Variants in TP73 observed in about 807,000 individuals in gnomAD.
The protein encoded by TP73 is p53-like transcription factor.
Under a neutral mutation model 62.5 loss-of-function variants are expected in TP73, and 25 were observed. That is an observed-to-expected ratio of 0.40 (90% CI 0.29 to 0.56). The LOEUF (loss-of-function observed/expected upper bound fraction) is 0.56. TP73 is among the 20% of genes least tolerant of loss of function. The probability of loss-of-function intolerance (pLI) is 0.46; values close to 1 mark genes in which losing one functional copy is unlikely to be tolerated. For synonymous variants in TP73, 423 were observed against 377.5 expected (o/e 1.12, Z -1.40); for missense variants, 754 against 913.3 (o/e 0.83, Z 2.25).
chr1:3,723,348 C>T lies in TP73; in HGVS notation c.617-6C>T, dbSNP rs752490695. On this transcript the variant is annotated splice_region_variant and splice_polypyrimidine_tract_variant and intron_variant, in intron 5 of 13. Coordinates refer to ENST00000378295, the MANE Select transcript of TP73 (RefSeq NM_005427.4). ...ACCTCTCTGAAGTGTCGACCCCTCC[C>T]GGCAGGACAGTCTGCTCCAGCCAGC... 57 of 1,611,266 alleles carry T rather than the reference C, an allele frequency of 3.5e-5. No individual in the cohort carries two copies. Among genetic ancestry groups the T allele is most frequent in the East Asian group, 1.1e-4 (5 of 44,884 alleles).
intron 3 of TP73, chr1:3,690,699 G>C: frequency 7.0e-7 from 1 of 1,428,200 alleles, no homozygotes. Flanking sequence ...AGAACTAAGG[G>C]AGATGGGAAA....
chr1:3,683,120 G>T lies in TP73; in HGVS notation c.126G>T (p.Val42=). The change falls in exon 3 of 14, where the codon GTG becomes GTT. Residue 42 remains valine (V), a synonymous_variant. Coordinates refer to ENST00000378295, the MANE Select transcript of TP73 (RefSeq NM_005427.4). The part of the protein sequence containing the change: ...PQSSRGNNEV[V]GGTDSSMDVF... ...CAAGCCGGGGGAATAATGAGGTGGT[G>T]GGCGGAACGGATTCCAGCATGGACG... 6.2e-7 allele frequency: 1 copy of T among 1,612,772 alleles called. No homozygotes were observed. The highest frequency in any genetic ancestry group is 8.5e-7 in the Non-Finnish European group (1 of 1,179,146).
chr1:3,659,895 G>A (rs1405231656), intron 1 of TP73, among the ~76,000 whole-genome samples: 1 of 152,114 alleles, frequency 6.6e-6, no homozygotes, highest in Non-Finnish European at 1.5e-5. Flanking sequence ...GGCCAGGCTG[G>A]TCTTGAACTC....
intron 1 of TP73, among the ~76,000 whole-genome samples, chr1:3,667,181 A>C (rs777964134): frequency 6.6e-6 from 1 of 152,166 alleles, no homozygotes. Flanking sequence ...CTCCAGAACC[A>C]AGAGAAGACA....
At chr1:3,683,729 G>A (rs1645579398) in intron 3 of TP73, among the ~76,000 whole-genome samples, 1 of 152,210 alleles carries the variant, frequency 6.6e-6, no homozygotes, top group African/African-American at 2.4e-5. Context: ...CAGCAGTCCT[G>A]CCTCCCGTTG....
At chr1:3,664,408 G>T (rs1645066664) in intron 1 of TP73, among the ~76,000 whole-genome samples, 1 of 152,224 alleles carries the variant, frequency 6.6e-6, no homozygotes, top group Non-Finnish European at 1.5e-5. Flanking sequence ...GGCACCTGGG[G>T]AAGGCTGGGC....
At position 3,727,895 on chromosome 1, in the gene TP73, C is replaced by T. The variant is rs377044172; in HGVS notation, c.985+125C>T. ...CTGAACGGCCCCCCACGCCCAGACT[C>T]CTCCCTGACGGAGCCTGAGAGCAGC... is the stretch of plus-strand genomic sequence containing the variant. On this transcript the variant is annotated intron_variant, in intron 8 of 13. Transcript: ENST00000378295. The T allele has an allele frequency of 2.3e-4, 322 of 1,381,058 alleles. No homozygotes were observed. The African/African-American group carries it at 4.2e-3, about 18-fold the overall frequency. The allele number at this position is 1,381,058 out of a possible 1,614,324, so 85.6% of individuals were successfully genotyped here.
Position 3,682,350 on chromosome 1 carries a change from G to C in TP73, c.-16G>C, listed in dbSNP as rs1006588265. ...TCCTGCAGAGCGAGCTGCCCTCGGA[G>C]GCCGGCGTGGGGAAGATGGCCCAGT... On this transcript the variant is annotated 5_prime_UTR_variant, in exon 2 of 14. Transcript: ENST00000378295. 7 of 1,523,770 alleles carry C rather than the reference G, an allele frequency of 4.6e-6. No individual in the cohort carries two copies. The African/African-American group carries it at 9.6e-5, about 21-fold the overall frequency. 94.4% of individuals were successfully genotyped at this position (1,523,770 alleles called of 1,614,324 possible). A position where few individuals can be genotyped will look rare whatever the true frequency, so the allele number is the denominator to read the frequency against.
At chr1:3,706,701 C>T (rs1164153022) in intron 3 of TP73, among the ~76,000 whole-genome samples, 2 of 152,238 alleles carry the variant, frequency 1.3e-5, no homozygotes, top group African/African-American at 2.4e-5. Context: ...CACCCCCTCC[C>T]TCAGCTGGGG....
intron 11 of TP73, among the ~76,000 whole-genome samples, chr1:3,730,665 T>A (rs186430222): frequency 1.3e-5 from 2 of 152,230 alleles, no homozygotes; most frequent in Non-Finnish European, 2.9e-5. Context: ...TGGCCAGCAC[T>A]CCAGTGCCAG....
At chr1:3,705,383 C>A (rs1005433598) in intron 3 of TP73, among the ~76,000 whole-genome samples, 5 of 152,254 alleles carry the variant, frequency 3.3e-5, no homozygotes, top group Admixed American at 6.5e-5. Context: ...GCGCGACAGA[C>A]CAGGAAGGAG....
intron 6 of TP73, among the ~76,000 whole-genome samples, chr1:3,724,875 C>T (rs1413619051): frequency 1.3e-5 from 2 of 152,204 alleles, no homozygotes; most frequent in African/African-American, 4.8e-5. Flanking sequence ...AAAAGTTAGC[C>T]GAGCCTCGTG....
chr1:3,725,456 T>C (rs918679509), intron 6 of TP73, among the ~76,000 whole-genome samples: 2 of 135,866 alleles, frequency 1.5e-5, no homozygotes, highest in African/African-American at 5.7e-5. Context: ...GATGGATGGA[T>C]AAATGGGGTG....
In TP73 at chr1:3,663,172, CTCT is replaced by C. The variant is rs1264546843; in HGVS notation, c.-34+10537_-34+10539del. On this transcript the variant is annotated intron_variant, in intron 1 of 13. Transcript: ENST00000378295. This position sits in a 1 kb window ranked among gnomAD's most constrained non-coding sequence, Gnocchi z 4.7. ...CCATGCCTGAGGGGAGAAGGGGCCT[CTCT>C]TCTTCACGAGGCTGGTGGCTGCGGC... is the stretch of plus-strand genomic sequence containing the variant. Among the ~76,000 whole-genome samples the C allele has an allele frequency of 1.3e-5, 2 of 152,158 alleles. No homozygotes were observed. The highest frequency in any genetic ancestry group is 2.9e-5 in the Non-Finnish European group (2 of 68,034).
chr1:3,707,990 C>G, intron 4 of TP73, 199 bp downstream of exon 4: 1 of 816,624 alleles, frequency 1.2e-6, no homozygotes, highest in Non-Finnish European at 1.9e-6. Context: ...CCCCTCTAGA[C>G]GTGAGTGGCC....
intron 4 of TP73, chr1:3,714,436 C>G (rs1205514068): frequency 1.3e-5 from 2 of 152,322 alleles, no homozygotes; most frequent in Non-Finnish European, 2.9e-5. Context: ...TCAAAGCCAC[C>G]AGTCAGGGTG....
At chr1:3,704,636 G>A (rs561761390) in intron 3 of TP73, among the ~76,000 whole-genome samples, 5 of 152,224 alleles carry the variant, frequency 3.3e-5, no homozygotes, top group African/African-American at 4.8e-5. Context: ...GTGAAGGGTC[G>A]TGTGCAGACC....
At position 3,696,246 on chromosome 1, in the gene TP73, G is replaced by A. The variant is rs1161090328; in HGVS notation, c.187-11303G>A. Among the ~76,000 whole-genome samples the A allele has an allele frequency of 6.6e-6, 1 of 152,114 alleles. No individual in the cohort carries two copies. The highest frequency in any genetic ancestry group is 1.9e-4 in the East Asian group (1 of 5,174). On this transcript the variant is annotated intron_variant, in intron 3 of 13. Coordinates refer to ENST00000378295, the MANE Select transcript of TP73 (RefSeq NM_005427.4). This position sits in a 1 kb window ranked among gnomAD's most constrained non-coding sequence, Gnocchi z 4.1. Reference sequence around the variant, plus strand: ...AAGGTGACCTTAGAGGAAGAGCAGGGGAGGATTCCAGAAAGATGCTGAGGT... The same window carrying A: ...AAGGTGACCTTAGAGGAAGAGCAGGAGAGGATTCCAGAAAGATGCTGAGGT...
At chr1:3,681,376 G>A (rs1049198834) in intron 1 of TP73, among the ~76,000 whole-genome samples, 1 of 152,156 alleles carries the variant, frequency 6.6e-6, no homozygotes, top group Non-Finnish European at 1.5e-5. Flanking sequence ...GGGTTTCCCT[G>A]TCCCCTCCCC....
Sources: gnomAD v4.1 joint callset for allele counts (sites outside exome capture counted in the v4.1 genomes callset) on GRCh38, gnomAD v4.1.1 for gene constraint, Gnocchi (gnomAD v3.1) non-coding constraint, MANE v1.5 for transcripts, NCBI Gene and HGNC (gene_info 2026-07-23, HGNC 2026-07-21) for gene names.